Variants in MBTD1 observed in about 807,000 individuals in gnomAD.
MBTD1 encodes MBT domain-containing protein 1.
Under a neutral mutation model 87.8 loss-of-function variants are expected in MBTD1, and 24 were observed. The observed-to-expected ratio is 0.27, with a 90% CI of 0.20 to 0.38. The LOEUF (loss-of-function observed/expected upper bound fraction) is 0.38, where lower values mean the gene tolerates loss of function less well. Ranked by LOEUF, MBTD1 falls within the 10% of genes least tolerant of loss-of-function variation. MBTD1 has a pLI of 1.00. For synonymous variants in MBTD1, 237 were observed against 248.6 expected (o/e 0.95, Z 0.44); for missense variants, 436 against 760.2 (o/e 0.57, Z 5.02).
At chr17:51,231,570 T>C (rs1454955151) in intron 2 of MBTD1, among the ~76,000 whole-genome samples, 3 of 152,180 alleles carry the variant, frequency 2.0e-5, no homozygotes, top group African/African-American at 4.8e-5. Context: ...TGCAGTCTTT[T>C]CTAGAGTACC....
chr17:51,232,250 T>C (rs1018502857), intron 2 of MBTD1, among the ~76,000 whole-genome samples: 1 of 152,146 alleles, frequency 6.6e-6, no homozygotes, highest in Non-Finnish European at 1.5e-5. Flanking sequence ...CTTTGATACC[T>C]AGCAGAAGCA....
Position 51,206,929 on chromosome 17 carries a change from G to A in MBTD1, c.563C>T (p.Pro188Leu), listed in dbSNP as rs2051877741. Residue 188 changes from proline (P) to leucine (L), a missense_variant, in exon 7 of 17, where the codon CCT (proline) becomes CTT (leucine). By Grantham distance (98) the Pro-to-Leu change is moderately conservative (BLOSUM62 -3). Around this residue, in one of 5 missense-constraint regions of MBTD1, gnomAD observed 268 missense variants for 401.8 expected, o/e 0.67. Coordinates refer to ENST00000586178, the MANE Select transcript of MBTD1 (RefSeq NM_017643.3). ...TCCAGCAATCCAGAAGACTTTGGTA[G>A]GTAGGCTGCAGTCTGTATTGGGAAC... ...VEVPNTDCSLPTKVFWIAGIV... is the reference protein window; with the variant it reads ...VEVPNTDCSLLTKVFWIAGIV... The A allele has an allele frequency of 6.2e-7, 1 of 1,613,610 alleles. No individual in the cohort carries two copies. Among genetic ancestry groups the A allele is most frequent in the Non-Finnish European group, 8.5e-7 (1 of 1,179,638 alleles).
chr17:51,249,207 C>T (rs1329071230), intron 2 of MBTD1, among the ~76,000 whole-genome samples: 1 of 151,928 alleles, frequency 6.6e-6, no homozygotes, highest in Non-Finnish European at 1.5e-5. Context: ...CTGCAGTGAG[C>T]CGTGATCATG....
chr17:51,234,970 A>C (rs1019903791), intron 2 of MBTD1, among the ~76,000 whole-genome samples: 2 of 152,172 alleles, frequency 1.3e-5, no homozygotes, highest in Non-Finnish European at 2.9e-5. Flanking sequence ...TGCTGGGATT[A>C]CAGGCATGAG....
At chr17:51,260,205 G>A (rs2055397554), upstream of MBTD1, 9 of 402,512 alleles carry the variant, frequency 2.2e-5, no homozygotes, top group East Asian at 4.0e-4. Flanking sequence ...AAGCGTATTG[G>A]GGCTTGTGTC....
rs71355733 is a variant in MBTD1, at chr17:51,194,566, C to CAAAAAAAAAAAAAAAAA, written c.1372+631_1372+647dup. 2.9e-3 allele frequency among the ~76,000 whole-genome samples: 57 copies of CAAAAAAAAAAAAAAAAA among 19,734 alleles called. 18 individuals carry two copies. The highest frequency in any genetic ancestry group is 0.01 in the African/African-American group (39 of 3,804). 12.9% of individuals were successfully genotyped at this position (19,734 alleles called of 152,430 possible). Reference sequence around the variant, plus strand: ...CCTGGGTGACAGAGCGAGACTGTCTCAAAAAAAAAAAAAAAAAAAAAAAAA... The same window carrying CAAAAAAAAAAAAAAAAA: ...CCTGGGTGACAGAGCGAGACTGTCTCAAAAAAAAAAAAAAAAAAAAAAAAAAAAAAAAAAAAAAAAAA... On this transcript the variant is annotated intron_variant, in intron 13 of 16. Coordinates refer to ENST00000586178, the MANE Select transcript of MBTD1 (RefSeq NM_017643.3).
At chr17:51,219,236 AT>A (rs767020862) in intron 4 of MBTD1, among the ~76,000 whole-genome samples, 192 bp from the exon 5 acceptor site, 41 of 152,172 alleles carry the variant, frequency 2.7e-4, no homozygotes, top group Non-Finnish European at 5.4e-4. Context: ...TAGTTATCTA[AT>A]ATGGGTAGCA....
chr17:51,179,481 A>ATTACATATATATATATAT lies in MBTD1; in HGVS notation c.*1094_*1095insATATATATATATATGTAA. On this transcript the variant is annotated 3_prime_UTR_variant, in exon 17 of 17. Coordinates refer to ENST00000586178, the MANE Select transcript of MBTD1 (RefSeq NM_017643.3). ...TAAATCCTGAATACAATTAAAGACA[A>ATTACATATATATATATAT]TTTTATATATATATATATATATATA... The ATTACATATATATATATAT allele has an allele frequency of 2.0e-5, 1 of 49,300 alleles. No homozygotes were observed. Among genetic ancestry groups the ATTACATATATATATATAT allele is most frequent in the African/African-American group, 7.2e-5 (1 of 13,814 alleles). 3.1% of individuals were successfully genotyped at this position (49,300 alleles called of 1,614,324 possible).
chr17:51,192,575 T>C (rs2050864436), intron 15 of MBTD1: 1 of 849,742 alleles, frequency 1.2e-6, no homozygotes, highest in African/African-American at 1.7e-5. Flanking sequence ...CTATAGTCAT[T>C]ATGTAATTGA....
At chr17:51,245,148 C>T (rs1029806265) in intron 2 of MBTD1, among the ~76,000 whole-genome samples, 3 of 151,486 alleles carry the variant, frequency 2.0e-5, no homozygotes, top group African/African-American at 4.9e-5. Context: ...GATCTGCTCG[C>T]CTCAGCCTCC....
intron 2 of MBTD1, among the ~76,000 whole-genome samples, chr17:51,248,906 T>C (rs2054609042): frequency 6.6e-6 from 1 of 152,158 alleles, no homozygotes; most frequent in African/African-American, 2.4e-5. Context: ...GACCTACTAA[T>C]GTTTTTCTAA....
intron 3 of MBTD1, among the ~76,000 whole-genome samples, chr17:51,222,819 T>C (rs892656870): frequency 1.3e-5 from 2 of 151,466 alleles, no homozygotes; most frequent in Non-Finnish European, 2.9e-5. Flanking sequence ...TTTTTTTTAG[T>C]TTTTTGAAGT....
intron 2 of MBTD1, chr17:51,256,810 A>G (rs1222167097): frequency 1.3e-5 from 2 of 152,214 alleles, no homozygotes; most frequent in Non-Finnish European, 2.9e-5. Context: ...TTATGCTGAT[A>G]CTAGACTAAC....
upstream of MBTD1, chr17:51,260,388 G>A: frequency 1.6e-6 from 1 of 614,502 alleles, no homozygotes; most frequent in Non-Finnish European, 2.8e-6. Flanking sequence ...TGGCCCTCCC[G>A]GAGGAACTCC....
chr17:51,234,273 A>C (rs1568217497), intron 2 of MBTD1, among the ~76,000 whole-genome samples: 3 of 151,786 alleles, frequency 2.0e-5, no homozygotes, highest in Non-Finnish European at 4.4e-5. Context: ...TGCACCTGTA[A>C]TCCCAGCGAC....
intron 2 of MBTD1, among the ~76,000 whole-genome samples, chr17:51,229,797 AT>A (rs950048273): frequency 1.1e-4 from 17 of 151,228 alleles, no homozygotes; most frequent in Admixed American, 9.2e-4. Flanking sequence ...AGTAGATGGG[AT>A]TACAGGCGCC....
In MBTD1 at chr17:51,259,956, G is replaced by C; in HGVS notation, c.-234C>G. ...TCTCCCCGGGACTGCGGCGACTACA[G>C]GGGGCCCCCGGCTGGGCCCAGACCG... On this transcript the variant is annotated 5_prime_UTR_variant, in exon 1 of 17. Transcript: ENST00000586178. 1 of 1,117,188 alleles carries C rather than the reference G, an allele frequency of 9.0e-7. No individual in the cohort carries two copies. The highest frequency in any genetic ancestry group is 1.1e-6 in the Non-Finnish European group (1 of 883,276). The allele number at this position is 1,117,188 out of a possible 1,614,324, so 69.2% of individuals were successfully genotyped here. A position where few individuals can be genotyped will look rare whatever the true frequency, so the allele number is the denominator to read the frequency against.
chr17:51,211,235 G>A (rs2052189290), intron 6 of MBTD1, among the ~76,000 whole-genome samples: 1 of 151,368 alleles, frequency 6.6e-6, no homozygotes, highest in Non-Finnish European at 1.5e-5. Context: ...GCTCATGCCT[G>A]TAATCCCAGT....
chr17:51,180,489 G>C lies in MBTD1; in HGVS notation c.*87C>G. 2.3e-6 allele frequency: 1 copy of C among 430,140 alleles called. No homozygotes were observed. The highest frequency in any genetic ancestry group is 2.5e-5 in the African/African-American group (1 of 39,426). The allele number at this position is 430,140 out of a possible 1,614,324, so 26.6% of individuals were successfully genotyped here. On this transcript the variant is annotated 3_prime_UTR_variant, in exon 17 of 17. Coordinates refer to ENST00000586178, the MANE Select transcript of MBTD1 (RefSeq NM_017643.3). ...CTTCTATGTTTAGCAAAATGTCCCA[G>C]TAGAGTAGCCCCCTGTACAGCTGGA...
Sources: gnomAD v4.1 joint callset for allele counts (sites outside exome capture counted in the v4.1 genomes callset) on GRCh38, gnomAD v4.1.1 for gene constraint, gnomAD v4.1.1 regional missense constraint, MANE v1.5 for transcripts, NCBI Gene and HGNC (gene_info 2026-07-23, HGNC 2026-07-21) for gene names.